Variants in DAB1 observed in about 807,000 individuals in gnomAD.
The protein encoded by DAB1 is DAB adaptor protein 1.
Under a neutral mutation model 64.6 loss-of-function variants are expected in DAB1, and 15 were observed. The observed-to-expected ratio is 0.23, with a 90% CI of 0.16 to 0.36. The LOEUF is 0.36. Ranked by LOEUF, DAB1 falls within the 10% of genes least tolerant of loss-of-function variation. DAB1 has a pLI of 1.00. For synonymous variants in DAB1, 235 were observed against 251.9 expected (o/e 0.93, Z 0.64); for missense variants, 596 against 706.7 (o/e 0.84, Z 1.78).
chr1:57,736,376 A>G (rs897516426), intron 6 of DAB1, among the ~76,000 whole-genome samples: 1 of 152,194 alleles, frequency 6.6e-6, no homozygotes, highest in Non-Finnish European at 1.5e-5. Context: ...TCTCTAAGGT[A>G]GTTTTGACTT....
At chr1:57,983,187 C>A (rs892711590) in intron 5 of DAB1, among the ~76,000 whole-genome samples, 3 of 152,160 alleles carry the variant, frequency 2.0e-5, no homozygotes, top group African/African-American at 7.2e-5. Context: ...ATTTATGACA[C>A]CCAAGATGTA....
At chr1:57,002,709 T>C (rs1645914425) in intron 14 of DAB1, among the ~76,000 whole-genome samples, 1 of 152,210 alleles carries the variant, frequency 6.6e-6, no homozygotes, top group Non-Finnish European at 1.5e-5. Flanking sequence ...ATGTGAAATG[T>C]TGATGTTCAA....
At chr1:58,349,862 G>A (rs767108967) in intron 3 of DAB1, among the ~76,000 whole-genome samples, 1 of 152,118 alleles carries the variant, frequency 6.6e-6, no homozygotes, top group Non-Finnish European at 1.5e-5. Context: ...TATCATTGAT[G>A]GGCATTTAGG....
intron 4 of DAB1, among the ~76,000 whole-genome samples, chr1:57,132,415 C>T (rs1240181685): frequency 6.6e-6 from 1 of 152,126 alleles, no homozygotes; most frequent in African/African-American, 2.4e-5. Context: ...AATTCATCTT[C>T]AAATCCTCAG....
chr1:57,793,557 T>C (rs985893392), intron 6 of DAB1, among the ~76,000 whole-genome samples: 1 of 152,098 alleles, frequency 6.6e-6, no homozygotes, highest in Non-Finnish European at 1.5e-5. Flanking sequence ...AGCTCATCCT[T>C]TGGCCAATAC....
At chr1:58,510,408 T>C (rs1053225099) in intron 2 of DAB1, among the ~76,000 whole-genome samples, 7 of 152,022 alleles carry the variant, frequency 4.6e-5, no homozygotes, top group East Asian at 1.9e-4. Context: ...GAAAAAGCAC[T>C]TGACAAAATT....
At chr1:57,690,039 A>T (rs1376840830) in intron 6 of DAB1, among the ~76,000 whole-genome samples, 1 of 152,146 alleles carries the variant, frequency 6.6e-6, no homozygotes. Flanking sequence ...TATTCCACTT[A>T]ACATAATGAC....
intron 2 of DAB1, among the ~76,000 whole-genome samples, chr1:57,176,978 A>C (rs766218704): frequency 0.074 from 10,908 of 147,940 alleles, 1,000 homozygotes; most frequent in African/African-American, 0.19. Flanking sequence ...GATATAAAAA[A>C]AAAAAAAAAA....
intron 7 of DAB1, among the ~76,000 whole-genome samples, chr1:57,553,531 C>G: frequency 8.1e-6 from 1 of 123,378 alleles, no homozygotes; most frequent in African/African-American, 2.8e-5. Flanking sequence ...GAGGCATGTA[C>G]AACAAATTCA....
intron 6 of DAB1, among the ~76,000 whole-genome samples, chr1:57,713,583 T>C (rs1206309035): frequency 6.6e-6 from 1 of 152,150 alleles, no homozygotes; most frequent in Admixed American, 6.5e-5. Flanking sequence ...CAAATGCAAA[T>C]TGGTTGTTAG....
chr1:58,219,025 C>CTCTCTCTCTCTCTCTGTGTGTG (rs376130413), intron 4 of DAB1, among the ~76,000 whole-genome samples: 2 of 129,474 alleles, frequency 1.5e-5, no homozygotes, highest in East Asian at 4.8e-4. Flanking sequence ...CTCTCTCTCT[C>CTCTCTCTCTCTCTCTGTGTGTG]TGTGTGTGTG....
chr1:58,485,402 T>G (rs1002049917), intron 3 of DAB1, among the ~76,000 whole-genome samples: 1 of 151,996 alleles, frequency 6.6e-6, no homozygotes. Flanking sequence ...TTTGGAGATG[T>G]CTGAGCTAGG....
intron 1 of DAB1, among the ~76,000 whole-genome samples, chr1:57,313,354 C>T (rs1674899878): frequency 6.6e-6 from 1 of 152,188 alleles, no homozygotes; most frequent in Non-Finnish European, 1.5e-5. Context: ...TCATAGGCTC[C>T]TTTCTTTACA....
At chr1:58,142,716 C>G (rs912090178) in intron 5 of DAB1, among the ~76,000 whole-genome samples, 2 of 152,246 alleles carry the variant, frequency 1.3e-5, no homozygotes, top group Admixed American at 1.3e-4. Context: ...GCTTTTACCA[C>G]CTGCCTAATT....
chr1:58,059,251 C>G (rs537240499), intron 5 of DAB1, among the ~76,000 whole-genome samples: 1 of 152,334 alleles, frequency 6.6e-6, no homozygotes, highest in Middle Eastern at 3.4e-3. Flanking sequence ...AGCCAGGCAG[C>G]CTGAGTTGAA....
intron 5 of DAB1, among the ~76,000 whole-genome samples, chr1:58,077,582 G>A (rs1392687916): frequency 6.6e-6 from 1 of 152,194 alleles, no homozygotes; most frequent in African/African-American, 2.4e-5. Flanking sequence ...AACAGGTCTG[G>A]AGAAGAAAAA....
intron 5 of DAB1, among the ~76,000 whole-genome samples, chr1:57,926,251 C>T (rs754599644): frequency 6.8e-6 from 1 of 146,538 alleles, no homozygotes; most frequent in Non-Finnish European, 1.5e-5. Context: ...TGTTTCCTGA[C>T]GTCCATAAAA....
chr1:57,292,562 C>A (rs1339558788), intron 1 of DAB1, among the ~76,000 whole-genome samples: 1 of 152,152 alleles, frequency 6.6e-6, no homozygotes, highest in African/African-American at 2.4e-5. Flanking sequence ...AGACCCTCGT[C>A]TCTAAGACAA....
intron 1 of DAB1, among the ~76,000 whole-genome samples, chr1:57,419,402 A>G (rs959433979): frequency 5.9e-5 from 9 of 152,196 alleles, no homozygotes; most frequent in African/African-American, 1.9e-4. Context: ...TAACTGCGGA[A>G]AAGTAAAATG....
Sources: gnomAD v4.1 joint callset for allele counts (sites outside exome capture counted in the v4.1 genomes callset) on GRCh38, gnomAD v4.1.1 for gene constraint, MANE v1.5 for transcripts, NCBI Gene and HGNC (gene_info 2026-07-23, HGNC 2026-07-21) for gene names.